Variants in RAB38 observed in about 807,000 individuals in gnomAD.
The protein encoded by RAB38 is RAB38, member RAS oncogene family.
In RAB38, 15 loss-of-function variants were observed where a neutral mutation model predicts 18.4. That is an observed-to-expected ratio of 0.82 (90% CI 0.55 to 1.26). The LOEUF is 1.26. Ranked by LOEUF, RAB38 falls within the 50% of genes most tolerant of loss-of-function variation. RAB38 has a pLI of 0.00. For synonymous variants in RAB38, 101 were observed against 104.4 expected (o/e 0.97, Z 0.20); for missense variants, 294 against 267.4 (o/e 1.10, Z -0.69).
the RAB38 span, among the ~76,000 whole-genome samples, chr11:88,051,029 T>A: frequency 6.6e-6 from 1 of 152,230 alleles, no homozygotes; most frequent in East Asian, 1.9e-4. Flanking sequence ...CTGTCTTTAC[T>A]TAAATTGCAA....
the RAB38 span, among the ~76,000 whole-genome samples, chr11:87,954,342 T>C: frequency 9.1e-4 from 138 of 152,198 alleles, 2 homozygotes; most frequent in East Asian, 0.025. Context: ...ATTCCCCATC[T>C]CCTCTCTGTC....
chr11:87,858,374 C>T, the RAB38 span, among the ~76,000 whole-genome samples: 2 of 152,006 alleles, frequency 1.3e-5, no homozygotes, highest in Non-Finnish European at 2.9e-5. Context: ...TAGAGTTAAC[C>T]AAATGCTCCA....
intron 2 of RAB38, among the ~76,000 whole-genome samples, chr11:88,123,105 T>C (rs1430945454): frequency 1.3e-5 from 2 of 152,224 alleles, no homozygotes; most frequent in Non-Finnish European, 2.9e-5. Flanking sequence ...TGTCTCCTTC[T>C]TCTTCCTTCA....
chr11:88,036,837 G>C, the RAB38 span, among the ~76,000 whole-genome samples: 1 of 151,838 alleles, frequency 6.6e-6, no homozygotes. Context: ...TTAATCTCCA[G>C]AGCAAATATG....
chr11:88,076,599 T>A, the RAB38 span, among the ~76,000 whole-genome samples: 1 of 152,048 alleles, frequency 6.6e-6, no homozygotes, highest in Non-Finnish European at 1.5e-5. Context: ...TCAACATACA[T>A]GCATGCCAAC....
chr11:88,088,854 GGGAAA>G, the RAB38 span, among the ~76,000 whole-genome samples: 3 of 151,858 alleles, frequency 2.0e-5, no homozygotes, highest in Admixed American at 6.6e-5. Context: ...AGATATATCG[GGGAAA>G]ATATGTCTCT....
the RAB38 span, among the ~76,000 whole-genome samples, chr11:87,838,127 T>C: frequency 6.6e-6 from 1 of 151,930 alleles, no homozygotes; most frequent in East Asian, 1.9e-4. Context: ...TTATTTTTTT[T>C]TTTTTGAGAT....
chr11:87,926,499 C>G, the RAB38 span, among the ~76,000 whole-genome samples: 1 of 145,426 alleles, frequency 6.9e-6, no homozygotes, highest in Non-Finnish European at 1.5e-5. Flanking sequence ...CTAAATAAGT[C>G]AAATGGTGGT....
chr11:87,914,826 CAGCCATGTCTCCAGTGGCCCCAAGTGTG>C, the RAB38 span, among the ~76,000 whole-genome samples: 2 of 152,336 alleles, frequency 1.3e-5, no homozygotes, highest in East Asian at 3.9e-4. Context: ...CTGGCTGAAG[CAGCCATGTCTCCAGTGGCCCCAAGTGTG>C]ACCCAGGCTT....
At chr11:88,038,267 G>C in the RAB38 span, among the ~76,000 whole-genome samples, 1 of 152,114 alleles carries the variant, frequency 6.6e-6, no homozygotes, top group African/African-American at 2.4e-5. Context: ...CTTTCCTAGT[G>C]TCCAGATGTT....
the RAB38 span, among the ~76,000 whole-genome samples, chr11:87,857,498 T>C: frequency 6.6e-6 from 1 of 152,218 alleles, no homozygotes; most frequent in Non-Finnish European, 1.5e-5. Flanking sequence ...AAAGTGTTCC[T>C]ATTTCTCCAC....
intron 1 of RAB38, among the ~76,000 whole-genome samples, chr11:88,161,480 T>A (rs1201471163): frequency 6.6e-6 from 1 of 152,112 alleles, no homozygotes; most frequent in African/African-American, 2.4e-5. Flanking sequence ...ATGCTGTGCA[T>A]TCATGCTTGG....
chr11:87,882,166 G>A, the RAB38 span, among the ~76,000 whole-genome samples: 4 of 151,772 alleles, frequency 2.6e-5, no homozygotes, highest in Non-Finnish European at 5.9e-5. Context: ...TTATATCCTT[G>A]ATTGCCTCTG....
At chr11:87,819,432 G>C in the RAB38 span, among the ~76,000 whole-genome samples, 1 of 150,124 alleles carries the variant, frequency 6.7e-6, no homozygotes, top group Non-Finnish European at 1.5e-5. Context: ...AAAATGAGGA[G>C]TCAAAGTTAC....
the RAB38 span, among the ~76,000 whole-genome samples, chr11:88,082,515 G>A: frequency 6.6e-6 from 1 of 151,474 alleles, no homozygotes; most frequent in African/African-American, 2.4e-5. Flanking sequence ...TAAAACAAAC[G>A]CCTAATCTTC....
chr11:88,067,137 G>T, the RAB38 span, among the ~76,000 whole-genome samples: 2 of 152,110 alleles, frequency 1.3e-5, no homozygotes, highest in African/African-American at 4.8e-5. Context: ...CACTAGAGAA[G>T]AATATGAGGG....
the RAB38 span, among the ~76,000 whole-genome samples, chr11:87,837,178 T>C: frequency 1.3e-5 from 2 of 152,220 alleles, no homozygotes; most frequent in African/African-American, 4.8e-5. Flanking sequence ...GATTTCCTTA[T>C]TATACCACTC....
chr11:87,950,116 G>C, the RAB38 span, among the ~76,000 whole-genome samples: 31 of 152,180 alleles, frequency 2.0e-4, no homozygotes, highest in Non-Finnish European at 4.3e-4. Flanking sequence ...ACCTCTTCTT[G>C]TTGAATTGAT....
the RAB38 span, among the ~76,000 whole-genome samples, chr11:87,838,479 A>G: frequency 1.3e-5 from 2 of 152,164 alleles, no homozygotes; most frequent in Admixed American, 6.6e-5. Context: ...AACAGAAATC[A>G]TTCTTAACTA....
Sources: allele counts gnomAD v4.1 joint callset (sites outside exome capture counted in the v4.1 genomes callset), GRCh38; gene constraint gnomAD v4.1.1; transcripts MANE v1.5; gene names NCBI Gene and HGNC (gene_info 2026-07-23, HGNC 2026-07-21).